LOC400499: variants seen among roughly 807,000 people sequenced by gnomAD.
the LOC400499 span, chr16:11,478,572 G>C: frequency 2.5e-6 from 1 of 399,062 alleles, no homozygotes; most frequent in South Asian, 1.3e-4. Context: ...TAAGGGGCCA[G>C]TGGTTCACGT....
the LOC400499 span, chr16:11,396,527 A>G: frequency 8.1e-7 from 1 of 1,232,086 alleles, no homozygotes; most frequent in East Asian, 3.2e-5. Context: ...TGCCCCGGAG[A>G]AGTCAGCTGA....
the LOC400499 span, among the ~76,000 whole-genome samples, chr16:11,464,022 T>C: frequency 6.6e-6 from 1 of 152,166 alleles, no homozygotes; most frequent in Admixed American, 6.5e-5. Context: ...TGCATTTGGA[T>C]GTGTGTGAAT....
the LOC400499 span, chr16:11,519,089 C>T: frequency 2.8e-5 from 11 of 397,056 alleles, no homozygotes. Context: ...ATGTTGGGGG[C>T]AAGGCAGAGA....
At chr16:11,397,781 G>GGATGGATGGAT in the LOC400499 span, among the ~76,000 whole-genome samples, 297 of 109,256 alleles carry the variant, frequency 2.7e-3, 6 homozygotes, top group African/African-American at 8.6e-3. Context: ...GATGGAGGGA[G>GGATGGATGGAT]GGAGGGAGGG....
chr16:11,412,038 A>G, the LOC400499 span, among the ~76,000 whole-genome samples: 1 of 151,388 alleles, frequency 6.6e-6, no homozygotes, highest in East Asian at 1.9e-4. Context: ...CATTTTTAAG[A>G]TTTTTTGTAG....
the LOC400499 span, chr16:11,456,932 G>C: frequency 6.5e-7 from 1 of 1,536,308 alleles, no homozygotes; most frequent in Admixed American, 2.0e-5. Context: ...GCCGCCCATT[G>C]TACTGCACCT....
At chr16:11,423,815 G>A in the LOC400499 span, among the ~76,000 whole-genome samples, 1 of 152,180 alleles carries the variant, frequency 6.6e-6, no homozygotes, top group Non-Finnish European at 1.5e-5. Context: ...TACCAGACAG[G>A]GCCTGGTGCA....
At chr16:11,393,429 G>T in the LOC400499 span, 3 of 1,232,318 alleles carry the variant, frequency 2.4e-6, no homozygotes, top group African/African-American at 4.6e-5. Context: ...ACAGCTTGGG[G>T]CCCGGAACAC....
At chr16:11,457,069 A>C in the LOC400499 span, 1 of 1,493,630 alleles carries the variant, frequency 6.7e-7, no homozygotes, top group Non-Finnish European at 8.9e-7. Flanking sequence ...CCAAGATGCC[A>C]ATGGGATCAT....
the LOC400499 span, among the ~76,000 whole-genome samples, chr16:11,384,601 CCTTT>C: frequency 2.6e-5 from 4 of 152,350 alleles, no homozygotes; most frequent in African/African-American, 9.6e-5. Context: ...CCAGGCCCTT[CCTTT>C]GTGTTCCTTG....
the LOC400499 span, among the ~76,000 whole-genome samples, chr16:11,515,503 GTACA>G: frequency 5.4e-4 from 78 of 145,122 alleles, no homozygotes; most frequent in Non-Finnish European, 7.4e-4. Flanking sequence ...ACATACGTAC[GTACA>G]TACATACATA....
chr16:11,434,786 G>C, the LOC400499 span, among the ~76,000 whole-genome samples: 3 of 152,282 alleles, frequency 2.0e-5, no homozygotes, highest in Admixed American at 2.0e-4. Flanking sequence ...AGAAGGGCGA[G>C]TGGTCCCAGA....
the LOC400499 span, chr16:11,456,836 G>A: frequency 2.0e-6 from 3 of 1,536,120 alleles, no homozygotes; most frequent in Non-Finnish European, 2.6e-6. Flanking sequence ...GCTAGCCAAG[G>A]AGGCCCCACA....
At chr16:11,495,223 A>G in the LOC400499 span, among the ~76,000 whole-genome samples, 142,334 of 149,330 alleles carry the variant, frequency 0.95, 68,100 homozygotes, top group Non-Finnish European at 0.99. Flanking sequence ...AAAAAAAAAA[A>G]AAAAGAAAAC....
At chr16:11,477,782 C>A in the LOC400499 span, 1 of 398,562 alleles carries the variant, frequency 2.5e-6, no homozygotes, top group Non-Finnish European at 4.4e-6. Context: ...GGATGGGATC[C>A]CACCACCTAA....
chr16:11,389,210 C>G, the LOC400499 span, among the ~76,000 whole-genome samples: 1 of 152,220 alleles, frequency 6.6e-6, no homozygotes, highest in Non-Finnish European at 1.5e-5. Flanking sequence ...CTCCTCAAAG[C>G]CAGTCATGGC....
At chr16:11,515,464 T>C in the LOC400499 span, among the ~76,000 whole-genome samples, 2 of 144,954 alleles carry the variant, frequency 1.4e-5, no homozygotes, top group Non-Finnish European at 2.9e-5. Context: ...TCTAAGGAAA[T>C]ACATACATAC....
chr16:11,513,848 C>A, the LOC400499 span, among the ~76,000 whole-genome samples: 1 of 152,156 alleles, frequency 6.6e-6, no homozygotes, highest in African/African-American at 2.4e-5. Context: ...GTAAATCCTT[C>A]CAAAGTCCCA....
At chr16:11,385,104 C>T in the LOC400499 span, 1 of 1,232,098 alleles carries the variant, frequency 8.1e-7, no homozygotes, top group Non-Finnish European at 1.0e-6. Context: ...GTCTGACCCA[C>T]AGCCAGGTGA....
Sources: allele counts gnomAD v4.1 joint callset (sites outside exome capture counted in the v4.1 genomes callset), GRCh38; gene constraint gnomAD v4.1.1; transcripts MANE v1.5.